MAL2: variants seen among roughly 807,000 people sequenced by gnomAD.
MAL2 encodes mal, T cell differentiation protein 2, also known as protein MAL2.
A neutral mutation model predicts 18.1 loss-of-function variants in MAL2; 17 were observed. The observed-to-expected ratio is 0.94, with a 90% CI of 0.64 to 1.41. The LOEUF (loss-of-function observed/expected upper bound fraction) is 1.41. MAL2 is among the 40% of genes most tolerant of loss of function. The probability of loss-of-function intolerance (pLI) is 0.00; values close to 1 mark genes in which losing one functional copy is unlikely to be tolerated. For synonymous variants in MAL2, 102 were observed against 102.3 expected, an observed-to-expected ratio of 1.00 and a Z score of 0.02; for missense variants, 222 against 231.9, an observed-to-expected ratio of 0.96 and a Z score of 0.28.
intron 1 of MAL2, among the ~76,000 whole-genome samples, chr8:119,212,439 G>C (rs952144927): frequency 2.6e-5 from 4 of 152,126 alleles, no homozygotes; most frequent in Non-Finnish European, 5.9e-5. Context: ...CATTTACTCA[G>C]CTTATAATTA....
intron 2 of MAL2, among the ~76,000 whole-genome samples, chr8:119,229,192 C>T (rs1211642815): frequency 6.6e-6 from 1 of 152,148 alleles, no homozygotes; most frequent in East Asian, 1.9e-4. Flanking sequence ...ACATAGTATG[C>T]CTAATCCCGT....
At chr8:119,229,376 G>A (rs1817665149) in intron 2 of MAL2, among the ~76,000 whole-genome samples, 3 of 150,598 alleles carry the variant, frequency 2.0e-5, no homozygotes, top group African/African-American at 4.9e-5. Flanking sequence ...GCAGTGGCAG[G>A]ATCTCTGCTC....
chr8:119,230,933 G>A (rs1229012797), intron 2 of MAL2, among the ~76,000 whole-genome samples: 2 of 152,208 alleles, frequency 1.3e-5, no homozygotes, highest in African/African-American at 4.8e-5. Flanking sequence ...GTTTACAAAT[G>A]AGAGTTATTT....
intron 2 of MAL2, 27 bp downstream of exon 2, chr8:119,221,784 T>G (rs768518558): frequency 1.2e-6 from 2 of 1,608,640 alleles, no homozygotes; most frequent in Non-Finnish European, 1.7e-6. Context: ...TTAAGTCTAT[T>G]GCAGGAAGAT....
At chr8:119,213,481 T>C (rs554215149) in intron 1 of MAL2, among the ~76,000 whole-genome samples, 7 of 152,012 alleles carry the variant, frequency 4.6e-5, no homozygotes, top group African/African-American at 1.7e-4. Flanking sequence ...ACTGTAGGTA[T>C]TTTTTTTCCT....
At chr8:119,215,402 T>G (rs117622967) in intron 1 of MAL2, 3 of 152,254 alleles carry the variant, frequency 2.0e-5, no homozygotes, top group African/African-American at 4.8e-5. Flanking sequence ...TTGGTTTCCA[T>G]TCATTTCAAG....
intron 2 of MAL2, 127 bp downstream of exon 2, chr8:119,221,884 C>CTGCTGTGG (rs1817470836): frequency 1.0e-6 from 1 of 992,840 alleles, no homozygotes. Flanking sequence ...ACCACAGAGA[C>CTGCTGTGG]TGCTGTGGTG....
intron 1 of MAL2, among the ~76,000 whole-genome samples, chr8:119,217,074 G>A (rs962424847): frequency 9.9e-5 from 15 of 152,218 alleles, no homozygotes; most frequent in South Asian, 2.1e-4. Flanking sequence ...TTGCTCAAGA[G>A]CATGTTTTCC....
intron 1 of MAL2, among the ~76,000 whole-genome samples, chr8:119,212,413 A>G (rs764292): frequency 0.98 from 148,918 of 152,298 alleles, 72,836 homozygotes; most frequent in East Asian, 1. Context: ...AGTGTTTTGG[A>G]TGCCATAGTA....
chr8:119,239,635 T>C (rs954757745), intron 2 of MAL2, among the ~76,000 whole-genome samples: 10 of 151,480 alleles, frequency 6.6e-5, no homozygotes, highest in African/African-American at 1.7e-4. Flanking sequence ...ATGGATGAAA[T>C]TGGAAATCAT....
chr8:119,212,074 GAATT>G (rs1280241719), intron 1 of MAL2, among the ~76,000 whole-genome samples: 6 of 152,170 alleles, frequency 3.9e-5, no homozygotes, highest in Non-Finnish European at 7.4e-5. Context: ...AGGGAAGAAA[GAATT>G]AAGTATGGGA....
intron 2 of MAL2, among the ~76,000 whole-genome samples, chr8:119,231,860 G>C (rs1448048306): frequency 6.6e-6 from 1 of 152,140 alleles, no homozygotes; most frequent in Non-Finnish European, 1.5e-5. Context: ...GTGAAATCTT[G>C]AACAGTTGAA....
chr8:119,208,616 C>A lies in MAL2; in HGVS notation c.132+12C>A. Reference sequence around the variant, plus strand: ...TCTGCCTGGAGATTGTAAGTGGGGCCGCCGGAGCGAGGGTCGCGCGGGGAG... The same window carrying A: ...TCTGCCTGGAGATTGTAAGTGGGGCAGCCGGAGCGAGGGTCGCGCGGGGAG... On this transcript the variant is annotated intron_variant, in intron 1 of 3. Coordinates refer to ENST00000614891, the MANE Select transcript of MAL2 (RefSeq NM_052886.3). This position sits in a 1 kb window ranked among gnomAD's most constrained non-coding sequence, Gnocchi z 4.3. 4 of 1,310,026 alleles carry A rather than the reference C, an allele frequency of 3.1e-6. No individual in the cohort carries two copies. The highest frequency in any genetic ancestry group is 6.2e-5 in the East Asian group (2 of 32,162). The allele number at this position is 1,310,026 out of a possible 1,614,324, so 81.2% of individuals were successfully genotyped here.
intron 2 of MAL2, among the ~76,000 whole-genome samples, chr8:119,234,991 T>A (rs1197417155): frequency 6.6e-6 from 1 of 151,956 alleles, no homozygotes; most frequent in Non-Finnish European, 1.5e-5. Context: ...GAAGAAGGCT[T>A]CAGACGATCA....
At chr8:119,239,522 A>T (rs1452131196) in intron 2 of MAL2, among the ~76,000 whole-genome samples, 1 of 152,024 alleles carries the variant, frequency 6.6e-6, no homozygotes, top group East Asian at 1.9e-4. Context: ...AACCAACCCA[A>T]ATGTCCAACA....
At chr8:119,231,033 T>TA (rs1331980413) in intron 2 of MAL2, among the ~76,000 whole-genome samples, 2 of 152,056 alleles carry the variant, frequency 1.3e-5, no homozygotes, top group Admixed American at 1.3e-4. Context: ...TTTTTTTTTT[T>TA]ATTTTTTGTT....
chr8:119,232,987 TGAG>T (rs1419935217), intron 2 of MAL2, among the ~76,000 whole-genome samples: 1 of 116,656 alleles, frequency 8.6e-6, no homozygotes, highest in Non-Finnish European at 1.9e-5. Flanking sequence ...TTACATTTGC[TGAG>T]GAGAGCTTTA....
chr8:119,243,392 T>C, intron 3 of MAL2, 25 bp from the exon 4 acceptor site: 1 of 1,551,344 alleles, frequency 6.4e-7, no homozygotes, highest in Non-Finnish European at 8.7e-7. Flanking sequence ...AAATCTGATG[T>C]GAATTTTTGT....
intron 2 of MAL2, among the ~76,000 whole-genome samples, chr8:119,233,156 G>A (rs1304704380): frequency 6.6e-6 from 1 of 152,134 alleles, no homozygotes; most frequent in Non-Finnish European, 1.5e-5. Context: ...CAGAATCTCT[G>A]GGACACATTC....
Sources: allele counts gnomAD v4.1 joint callset (sites outside exome capture counted in the v4.1 genomes callset), GRCh38; gene constraint gnomAD v4.1.1; non-coding constraint Gnocchi (gnomAD v3.1); transcripts MANE v1.5; gene names NCBI Gene and HGNC (gene_info 2026-07-23, HGNC 2026-07-21).